The following SEC22A variants were observed in gnomAD, a reference collection of about 807,000 sequenced individuals.
SEC22A encodes the protein vesicle-trafficking protein SEC22a.
In SEC22A, 22 loss-of-function variants were observed where a neutral mutation model predicts 35.3. The ratio of observed to expected loss-of-function variants is 0.62; its 90% CI spans 0.45 to 0.89. The LOEUF is 0.89. SEC22A is among the 40% of genes least tolerant of loss of function. The pLI, the probability that SEC22A is intolerant of heterozygous loss-of-function variation, is 0.00. For synonymous variants in SEC22A, 119 were observed against 129.5 expected (o/e 0.92, Z 0.55); for missense variants, 354 against 362.5 (o/e 0.98, Z 0.19).
chr3:123,218,217 A>G (rs984949118), intron 2 of SEC22A, among the ~76,000 whole-genome samples: 1 of 152,180 alleles, frequency 6.6e-6, no homozygotes, highest in African/African-American at 2.4e-5. Context: ...CTGTTAGGTT[A>G]TACTTGACCC....
intron 4 of SEC22A, among the ~76,000 whole-genome samples, chr3:123,233,333 T>A (rs1384928538): frequency 6.6e-6 from 1 of 152,186 alleles, no homozygotes; most frequent in Non-Finnish European, 1.5e-5. Context: ...CCAGGAGCAA[T>A]AGGCTATACC....
At chr3:123,215,127 A>G (rs1559751867) in intron 2 of SEC22A, among the ~76,000 whole-genome samples, 1 of 152,202 alleles carries the variant, frequency 6.6e-6, no homozygotes, top group Non-Finnish European at 1.5e-5. Context: ...TAAGCTTTCT[A>G]ACAGCTCTGT....
In SEC22A at chr3:123,223,669, A is replaced by G; in HGVS notation, c.293A>G (p.Tyr98Cys). Residue 98 changes from tyrosine (Y) to cysteine (C), a missense_variant, in exon 3 of 7, where the codon TAT (tyrosine) becomes TGT (cysteine). By Grantham distance (194) the Tyr-to-Cys change is radical (BLOSUM62 -2). Transcript: ENST00000492595. Reference sequence around the variant, plus strand: ...CTTCAGAAGGAGTTCATTACTACTTATAACATGATGAAGACAAATACTGCT... The same window carrying G: ...CTTCAGAAGGAGTTCATTACTACTTGTAACATGATGAAGACAAATACTGCT... ...DELQKEFITT[Y>C]NMMKTNTAVR... 1.2e-6 allele frequency: 2 copies of G among 1,613,616 alleles called. No homozygotes were observed. Among genetic ancestry groups the G allele is most frequent in the African/African-American group, 1.3e-5 (1 of 75,040 alleles).
chr3:123,224,624 T>C (rs1176491749), intron 3 of SEC22A, among the ~76,000 whole-genome samples: 1 of 152,112 alleles, frequency 6.6e-6, no homozygotes, highest in Non-Finnish European at 1.5e-5. Context: ...AGACCCTGTC[T>C]GTACAAAAAT....
chr3:123,220,588 A>T (rs377553731), intron 2 of SEC22A, among the ~76,000 whole-genome samples: 1 of 152,144 alleles, frequency 6.6e-6, no homozygotes, highest in Non-Finnish European at 1.5e-5. Flanking sequence ...TTATGAAACA[A>T]TATTCCAATA....
intron 2 of SEC22A, among the ~76,000 whole-genome samples, chr3:123,221,723 T>C (rs1040402157): frequency 1.3e-5 from 2 of 151,840 alleles, no homozygotes; most frequent in African/African-American, 4.8e-5. Flanking sequence ...TTAATTTTCA[T>C]GTTTCAGTGC....
At chr3:123,218,750 C>A (rs894230165) in intron 2 of SEC22A, among the ~76,000 whole-genome samples, 2 of 151,878 alleles carry the variant, frequency 1.3e-5, no homozygotes, top group Non-Finnish European at 2.9e-5. Flanking sequence ...CTAAGCTGTA[C>A]AATTACTGGT....
intron 2 of SEC22A, among the ~76,000 whole-genome samples, chr3:123,216,206 T>C (rs1376910709): frequency 6.6e-6 from 1 of 152,130 alleles, no homozygotes; most frequent in African/African-American, 2.4e-5. Flanking sequence ...CTAGATGCAA[T>C]AAGCTTTGGG....
intron 6 of SEC22A, 49 bp from the exon 7 acceptor site, chr3:123,271,473 T>G (rs1037885021): frequency 1.3e-6 from 2 of 1,481,898 alleles, no homozygotes; most frequent in Non-Finnish European, 1.9e-6. Flanking sequence ...GAAACATCTG[T>G]TTCTTTTCCT....
At chr3:123,234,066 C>G (rs1164482274) in intron 4 of SEC22A, among the ~76,000 whole-genome samples, 1 of 152,086 alleles carries the variant, frequency 6.6e-6, no homozygotes, top group Non-Finnish European at 1.5e-5. Flanking sequence ...AATGAACAAT[C>G]TGAAAATGAA....
At position 123,271,503 on chromosome 3, in the gene SEC22A, A is replaced by G; in HGVS notation, c.724-19A>G. On this transcript the variant is annotated intron_variant, in intron 6 of 6. Coordinates refer to ENST00000492595, the MANE Select transcript of SEC22A (RefSeq NM_012430.5). The stretch of plus-strand genomic sequence containing the variant: ...TTTCCTGTAACCCTAATCATCTTTC[A>G]TTTTTATATTTTGAACAGTGTTATT... 1.3e-6 allele frequency: 2 copies of G among 1,598,486 alleles called. No homozygotes were observed. Among genetic ancestry groups the G allele is most frequent in the Non-Finnish European group, 1.7e-6 (2 of 1,170,254 alleles).
At position 123,272,793 on chromosome 3, in the gene SEC22A, A is replaced by G. The variant is rs1938201856; in HGVS notation, c.*1071A>G. On this transcript the variant is annotated 3_prime_UTR_variant, in exon 7 of 7. Coordinates refer to ENST00000492595, the MANE Select transcript of SEC22A (RefSeq NM_012430.5). ...CATTATTCTATGTTGTGCATCACTT[A>G]AAGACATGTTGTGTGCCACCAGTGG... 1 of 153,802 alleles carries G rather than the reference A, an allele frequency of 6.5e-6. No individual in the cohort carries two copies. Among genetic ancestry groups the G allele is most frequent in the Admixed American group, 6.5e-5 (1 of 15,282 alleles). The allele number at this position is 153,802 out of a possible 1,614,324, so 9.5% of individuals were successfully genotyped here.
At chr3:123,253,259 T>C (rs1463041826) in intron 5 of SEC22A, among the ~76,000 whole-genome samples, 2 of 152,192 alleles carry the variant, frequency 1.3e-5, no homozygotes, top group Non-Finnish European at 2.9e-5. Context: ...GATTTTAGAC[T>C]ACATAAGCCC....
intron 2 of SEC22A, among the ~76,000 whole-genome samples, chr3:123,218,398 GA>G (rs2108039911): frequency 6.6e-6 from 1 of 152,278 alleles, no homozygotes; most frequent in East Asian, 1.9e-4. Context: ...AGCAAAGTAG[GA>G]AAAAACCTTG....
At chr3:123,229,873 AT>A (rs200436697) in intron 4 of SEC22A, among the ~76,000 whole-genome samples, 2 of 145,008 alleles carry the variant, frequency 1.4e-5, no homozygotes, top group African/African-American at 5.2e-5. Context: ...AAAAAAAAAA[AT>A]AAATAATAAT....
At position 123,266,944 on chromosome 3, in the gene SEC22A, A is replaced by G. The variant is rs1938040106; in HGVS notation, c.724-4578A>G. Among the ~76,000 whole-genome samples, 4 of 152,124 alleles carry G rather than the reference A, an allele frequency of 2.6e-5. No homozygotes were observed. In the South Asian group the frequency reaches 8.3e-4, roughly 31 times the overall value. ...TTTGTAGCTATGTTGTTTGGTTCAT[A>G]CACATTTAGGATTGCTGTGTCTTCT... On this transcript the variant is annotated intron_variant, in intron 6 of 6. Transcript: ENST00000492595.
chr3:123,262,664 T>C (rs1440754178), intron 6 of SEC22A, among the ~76,000 whole-genome samples: 1 of 152,198 alleles, frequency 6.6e-6, no homozygotes, highest in Admixed American at 6.5e-5. Flanking sequence ...GTTCTGAGCA[T>C]GTTTAAGGTA....
chr3:123,271,649 CTG>C lies in SEC22A; in HGVS notation c.854_855del (p.Val285GlyfsTer21). 1 of 1,614,190 alleles carries C rather than the reference CTG, an allele frequency of 6.2e-7. No homozygotes were observed. Among genetic ancestry groups the C allele is most frequent in the Non-Finnish European group, 8.5e-7 (1 of 1,180,026 alleles). On this transcript the variant is annotated frameshift_variant, in exon 7 of 7. Transcript: ENST00000492595. LOFTEE classifies it high-confidence loss of function. The stretch of plus-strand genomic sequence containing the variant: ...CTCTGGCAGCTTTTCTTTCATGTGA[CTG>C]TGGGAGCATTTGTTACACTACAGAT...
Position 123,271,445 on chromosome 3 carries a change from T to C in SEC22A, c.724-77T>C, listed in dbSNP as rs575366892. Reference sequence around the variant, plus strand: ...CATTCTTATATTTTACTCTCTGACCTGTTACAATTTTATATTAGAAACATC... The same window carrying C: ...CATTCTTATATTTTACTCTCTGACCCGTTACAATTTTATATTAGAAACATC... On this transcript the variant is annotated intron_variant, in intron 6 of 6. Transcript: ENST00000492595. 61 of 1,229,562 alleles carry C rather than the reference T, an allele frequency of 5.0e-5. No homozygotes were observed. The African/African-American group carries it at 8.8e-4, about 18-fold the overall frequency. The allele number at this position is 1,229,562 out of a possible 1,614,324, so 76.2% of individuals were successfully genotyped here.
Sources: allele counts gnomAD v4.1 joint callset (sites outside exome capture counted in the v4.1 genomes callset), GRCh38; gene constraint gnomAD v4.1.1; transcripts MANE v1.5; gene names NCBI Gene and HGNC (gene_info 2026-07-23, HGNC 2026-07-21).